ESRRB: variants seen among roughly 807,000 people sequenced by gnomAD.
ESRRB encodes the protein steroid hormone receptor ERR2.
A neutral mutation model predicts 46.0 loss-of-function variants in ESRRB; 16 were observed. That is an observed-to-expected ratio of 0.35 (90% CI 0.24 to 0.53). The LOEUF (loss-of-function observed/expected upper bound fraction) is 0.53. ESRRB is among the 20% of genes least tolerant of loss of function. ESRRB has a pLI of 0.93. For missense variants in ESRRB, 488 were observed against 607.4 expected, an observed-to-expected ratio of 0.80 and a Z score of 2.07; for synonymous variants, 246 against 259.6, an observed-to-expected ratio of 0.95 and a Z score of 0.50.
At position 76,323,041 on chromosome 14, in the gene ESRRB, C is replaced by T. The variant is rs191472388; in HGVS notation, c.2+12125C>T. ...TCCAGGGGCTCCCACAGCCTGTAGT[C>T]TCCCTTCTGAATGCAGTGGGTGGGG... is the stretch of plus-strand genomic sequence containing the variant. On this transcript the variant is annotated intron_variant, in intron 1 of 6. Transcript: ENST00000512784. Among the ~76,000 whole-genome samples the T allele has an allele frequency of 9.8e-5, 15 of 152,292 alleles. No individual in the cohort carries two copies. In the East Asian group the frequency reaches 2.7e-3, roughly 27 times the overall value.
At chr14:76,332,783 TA>T (rs1566853398) in intron 1 of ESRRB, among the ~76,000 whole-genome samples, 37 of 14,598 alleles carry the variant, frequency 2.5e-3, no homozygotes, top group Middle Eastern at 0.062. Flanking sequence ...TATTATATAT[TA>T]TATATAAATA....
Position 76,499,223 on chromosome 14 carries a change from G to A in ESRRB, c.*765G>A. On this transcript the variant is annotated 3_prime_UTR_variant, in exon 7 of 7. Transcript: ENST00000644823. ...CACCCAGTGGGTTCAGCCAGCCACA[G>A]CGACTCCAGGGGCTGTAGACAGGAA... is the stretch of plus-strand genomic sequence containing the variant. 3.8e-6 allele frequency: 1 copy of A among 262,602 alleles called. No homozygotes were observed. Among genetic ancestry groups the A allele is most frequent in the Non-Finnish European group, 7.5e-6 (1 of 134,048 alleles). The allele number at this position is 262,602 out of a possible 1,614,324, so 16.3% of individuals were successfully genotyped here.
intron 1 of ESRRB, among the ~76,000 whole-genome samples, chr14:76,416,282 CCCA>C (rs1456515275): frequency 6.6e-6 from 1 of 151,766 alleles, no homozygotes; most frequent in Admixed American, 6.6e-5. Flanking sequence ...GCTATAGGCG[CCCA>C]CCACCACACC....
At chr14:76,346,065 T>C (rs1884246321) in intron 1 of ESRRB, among the ~76,000 whole-genome samples, 1 of 152,216 alleles carries the variant, frequency 6.6e-6, no homozygotes, top group South Asian at 2.1e-4. Flanking sequence ...ACGCTTGGTG[T>C]TTCTTGGCCT....
rs899657431 is a variant in ESRRB, at chr14:76,408,248, A to C, written c.51-31093A>C. ...CTTCTACGAAGACACAAAGAAGGAA[A>C]GGAGTTCCCATCTGTCCTTAAAGAA... On this transcript the variant is annotated intron_variant, in intron 1 of 6. Transcript: ENST00000644823. 2.0e-5 allele frequency among the ~76,000 whole-genome samples: 3 copies of C among 152,300 alleles called. No individual in the cohort carries two copies. The East Asian group carries it at 5.8e-4, about 29-fold the overall frequency.
rs1356927268 is a variant in ESRRB, at chr14:76,469,926, G to GTT, written c.577+7266_577+7267dup. Among the ~76,000 whole-genome samples, 59 of 67,642 alleles carry GTT rather than the reference G, an allele frequency of 8.7e-4. 1 individual carries two copies. Among genetic ancestry groups the GTT allele is most frequent in the East Asian group, 1.6e-3 (4 of 2,548 alleles). 44.4% of individuals were successfully genotyped at this position (67,642 alleles called of 152,430 possible). ...AGGTAAAGACTAGGCTGTGTTTTTTGTTGTTTTTTTTTTTTTTCTTTTTTT... is the reference window on the plus strand; with the variant it reads ...AGGTAAAGACTAGGCTGTGTTTTTTGTTTTGTTTTTTTTTTTTTTCTTTTTTT... On this transcript the variant is annotated intron_variant, in intron 3 of 6. Transcript: ENST00000644823.
chr14:76,386,030 T>C (rs541015377), intron 1 of ESRRB, among the ~76,000 whole-genome samples: 6 of 152,336 alleles, frequency 3.9e-5, no homozygotes, highest in African/African-American at 1.4e-4. Flanking sequence ...GGCATTACTT[T>C]TTATTCCTTT....
At chr14:76,399,191 T>C (rs1250054536) in intron 1 of ESRRB, among the ~76,000 whole-genome samples, 1 of 152,072 alleles carries the variant, frequency 6.6e-6, no homozygotes, top group Non-Finnish European at 1.5e-5. Flanking sequence ...TGGCCAGCCG[T>C]GTGTTTTAAC....
At chr14:76,366,033 G>A (rs1027423257) in intron 1 of ESRRB, among the ~76,000 whole-genome samples, 3 of 152,158 alleles carry the variant, frequency 2.0e-5, no homozygotes, top group Non-Finnish European at 4.4e-5. Flanking sequence ...AACAGAAGTG[G>A]ATTTGCTTGT....
chr14:76,469,926 G>GTTT lies in ESRRB; in HGVS notation c.577+7267_577+7268insTTT, dbSNP rs1356927268. Among the ~76,000 whole-genome samples, 493 of 67,606 alleles carry GTTT rather than the reference G, an allele frequency of 7.3e-3. 7 individuals carry two copies. The highest frequency in any genetic ancestry group is 0.019 in the African/African-American group (372 of 19,790). The allele number at this position is 67,606 out of a possible 152,430, so 44.4% of individuals were successfully genotyped here. ...AGGTAAAGACTAGGCTGTGTTTTTT[G>GTTT]TTGTTTTTTTTTTTTTTCTTTTTTT... is the stretch of plus-strand genomic sequence containing the variant. On this transcript the variant is annotated intron_variant, in intron 3 of 6. Coordinates refer to ENST00000644823, the MANE Select transcript of ESRRB (RefSeq NM_001379180.1).
At chr14:76,392,716 G>A (rs995234672) in intron 1 of ESRRB, among the ~76,000 whole-genome samples, 20 of 152,370 alleles carry the variant, frequency 1.3e-4, no homozygotes, top group African/African-American at 4.8e-4. Flanking sequence ...TGTGGCTCGG[G>A]GGCTGCCACC....
intron 1 of ESRRB, among the ~76,000 whole-genome samples, chr14:76,338,693 C>G (rs1026210865): frequency 6.6e-6 from 1 of 152,140 alleles, no homozygotes; most frequent in African/African-American, 2.4e-5. Flanking sequence ...TGCCTGTAAT[C>G]CCACCACTTT....
chr14:76,355,510 A>G (rs1884369086), intron 1 of ESRRB, among the ~76,000 whole-genome samples: 1 of 152,236 alleles, frequency 6.6e-6, no homozygotes, highest in African/African-American at 2.4e-5. Flanking sequence ...TCTAGCTTGT[A>G]TCAATGTGGA....
At chr14:76,475,993 A>G (rs555395178) in intron 3 of ESRRB, among the ~76,000 whole-genome samples, 36 of 152,332 alleles carry the variant, frequency 2.4e-4, no homozygotes, top group African/African-American at 8.7e-4. Context: ...CAATATCACA[A>G]CCAGGATATT....
intron 1 of ESRRB, among the ~76,000 whole-genome samples, chr14:76,412,933 T>C (rs964642071): frequency 6.6e-6 from 1 of 152,122 alleles, no homozygotes; most frequent in African/African-American, 2.4e-5. Context: ...CTGGGCAACA[T>C]AGGGAGACCC....
upstream of ESRRB, among the ~76,000 whole-genome samples, chr14:76,368,754 C>T (rs544734551): frequency 3.3e-5 from 5 of 152,116 alleles, no homozygotes; most frequent in Admixed American, 6.6e-5. Flanking sequence ...CTATGAAGCT[C>T]GAGCCTTCAT....
At chr14:76,327,559 C>T (rs912238773) in intron 1 of ESRRB, among the ~76,000 whole-genome samples, 4 of 152,152 alleles carry the variant, frequency 2.6e-5, no homozygotes, top group Non-Finnish European at 5.9e-5. Flanking sequence ...TTCTCAGGCT[C>T]AGCAACCCAA....
Position 76,422,797 on chromosome 14 carries a change from C to T in ESRRB, c.51-16544C>T, listed in dbSNP as rs139890905. ...GTTGCACAGCGAGTCAGTGACAGGC[C>T]GGGATTCCGACACAGGCGAGCTGGG... On this transcript the variant is annotated intron_variant, in intron 1 of 6. Coordinates refer to ENST00000644823, the MANE Select transcript of ESRRB (RefSeq NM_001379180.1). Among the ~76,000 whole-genome samples, 52 of 152,216 alleles carry T rather than the reference C, an allele frequency of 3.4e-4. No individual in the cohort carries two copies. In the East Asian group the frequency reaches 7.2e-3, roughly 21 times the overall value.
chr14:76,387,497 GT>G (rs902050561), intron 1 of ESRRB, among the ~76,000 whole-genome samples: 1 of 152,160 alleles, frequency 6.6e-6, no homozygotes, highest in Non-Finnish European at 1.5e-5. Context: ...AGCAGCTCTG[GT>G]TTTCACCTTT....
Sources: allele counts gnomAD v4.1 joint callset (sites outside exome capture counted in the v4.1 genomes callset), GRCh38; gene constraint gnomAD v4.1.1; transcripts MANE v1.5; gene names NCBI Gene and HGNC (gene_info 2026-07-23, HGNC 2026-07-21).